Variants in BRI3 observed in about 807,000 individuals in gnomAD.
The protein encoded by BRI3 is brain protein I3.
Under a neutral mutation model 12.8 loss-of-function variants are expected in BRI3, and 6 were observed. The observed-to-expected ratio is 0.47, with a 90% CI of 0.26 to 0.93. The LOEUF (loss-of-function observed/expected upper bound fraction) is 0.93, where lower values mean the gene tolerates loss of function less well. Among genes scored for constraint, BRI3 ranks in the 40% least tolerant of loss-of-function variants. BRI3 has a pLI of 0.15. For synonymous variants in BRI3, 91 were observed against 76.1 expected (o/e 1.20, Z -1.02); for missense variants, 134 against 171.1 (o/e 0.78, Z 1.21).
chr7:98,296,641 A>G (rs983274441), downstream of BRI3, among the ~76,000 whole-genome samples: 3 of 152,196 alleles, frequency 2.0e-5, no homozygotes, highest in Admixed American at 6.5e-5. Flanking sequence ...CAAAAAAACA[A>G]AAAACCAACA....
chr7:98,291,065 G>C (rs762670783), intron 2 of BRI3, 46 bp from the exon 3 acceptor site: 1 of 1,610,862 alleles, frequency 6.2e-7, no homozygotes, highest in Non-Finnish European at 8.5e-7. Flanking sequence ...GGTTCTGGCT[G>C]CCCGGGTCCT....
intron 2 of BRI3, among the ~76,000 whole-genome samples, chr7:98,284,583 TC>T (rs778802638): frequency 3.3e-5 from 5 of 152,136 alleles, no homozygotes; most frequent in Non-Finnish European, 7.4e-5. Flanking sequence ...TGACCACACT[TC>T]CTCCTGCCCC....
chr7:98,296,481 T>G (rs751880986), downstream of BRI3, among the ~76,000 whole-genome samples: 5 of 151,904 alleles, frequency 3.3e-5, no homozygotes, highest in Non-Finnish European at 7.4e-5. Context: ...CAAAATTAGC[T>G]GGGTGTGGTG....
At chr7:98,292,525 A>C (rs1051644103), downstream of BRI3, 1 of 1,029,402 alleles carries the variant, frequency 9.7e-7, no homozygotes, top group African/African-American at 1.6e-5. Context: ...GCAGCCAAAG[A>C]TGATTTCCAG....
downstream of BRI3, among the ~76,000 whole-genome samples, chr7:98,297,230 T>C (rs1200426932): frequency 6.6e-6 from 1 of 152,232 alleles, no homozygotes; most frequent in Non-Finnish European, 1.5e-5. Context: ...AATGTGTGTG[T>C]GGACACTGGC....
At chr7:98,294,977 G>A (rs1321111610), downstream of BRI3, among the ~76,000 whole-genome samples, 1 of 152,192 alleles carries the variant, frequency 6.6e-6, no homozygotes, top group Non-Finnish European at 1.5e-5. Flanking sequence ...CTGCACACAG[G>A]GAGTGGAGTC....
chr7:98,291,841 A>G, downstream of BRI3: 1 of 152,858 alleles, frequency 6.5e-6, no homozygotes, highest in Non-Finnish European at 1.5e-5. Context: ...ACAAAACCAG[A>G]AACCTCCCCA....
intron 1 of BRI3, chr7:98,306,675 GA>G: frequency 9.5e-7 from 1 of 1,047,260 alleles, no homozygotes; most frequent in Non-Finnish European, 1.4e-6. Flanking sequence ...GGTAAATATG[GA>G]CTTTCACATA....
At chr7:98,293,017 T>A (rs1800034779), downstream of BRI3, 2 of 1,026,998 alleles carry the variant, frequency 1.9e-6, no homozygotes, top group Non-Finnish European at 2.4e-6. Context: ...TAAGTTAAAT[T>A]ACATTTATAT....
downstream of BRI3, chr7:98,293,187 T>C (rs371781026): frequency 2.6e-4 from 75 of 288,696 alleles, no homozygotes; most frequent in Middle Eastern, 1.1e-3. Flanking sequence ...CCTGAAAGCA[T>C]AGACTATCCC....
chr7:98,311,770 G>A (rs1800881139), downstream of BRI3, among the ~76,000 whole-genome samples: 6 of 152,170 alleles, frequency 3.9e-5, no homozygotes, highest in South Asian at 1.2e-3. Context: ...GCCAGGCATG[G>A]TGGTGCGCCC....
exon 2 of BRI3, chr7:98,307,939 G>T: frequency 6.3e-7 from 1 of 1,575,648 alleles, no homozygotes; most frequent in African/African-American, 1.4e-5. Context: ...CAAAGCATGA[G>T]AATCAATAGG....
At chr7:98,320,695 C>T in the BRI3 span, among the ~76,000 whole-genome samples, 2 of 152,160 alleles carry the variant, frequency 1.3e-5, no homozygotes, top group Admixed American at 6.5e-5. Flanking sequence ...CACAGAAATA[C>T]ACTGTCCTCA....
chr7:98,310,568 A>C (rs768819567), downstream of BRI3: 53 of 1,591,434 alleles, frequency 3.3e-5, no homozygotes, highest in Non-Finnish European at 4.5e-5. Flanking sequence ...GAGCATTTAG[A>C]AAGGGTGTCG....
the BRI3 span, chr7:98,317,249 G>A: frequency 6.5e-5 from 105 of 1,614,108 alleles, 1 homozygote; most frequent in South Asian, 3.4e-4. Context: ...ATTTGAGTGC[G>A]TTTCGGCTTC....
chr7:98,286,668 T>C (rs1435954410), intron 2 of BRI3, among the ~76,000 whole-genome samples: 2 of 152,210 alleles, frequency 1.3e-5, no homozygotes, highest in Non-Finnish European at 2.9e-5. Flanking sequence ...TGGGGAGTCT[T>C]GACCTAGAAT....
At chr7:98,282,267 A>C in intron 1 of BRI3, 84 bp from the exon 2 acceptor site, 1 of 1,180,142 alleles carries the variant, frequency 8.5e-7, no homozygotes, top group South Asian at 1.3e-5. Flanking sequence ...AGCGGGGTGG[A>C]GGTTGAGGGG....
upstream of BRI3, chr7:98,306,452 C>T (rs777922061): frequency 2.1e-5 from 34 of 1,614,054 alleles, no homozygotes; most frequent in South Asian, 4.4e-5. Flanking sequence ...GGCGTGGGCA[C>T]GGTCACTGCT....
Position 98,288,788 on chromosome 7 carries a change from A to AGGTTGGAGGGGGG in BRI3, c.246-2321_246-2320insTTGGAGGGGGGGG, listed in dbSNP as rs11275179. The stretch of plus-strand genomic sequence containing the variant: ...TGGCTAATTTTAAATTTTTGTAGGG[A>AGGTTGGAGGGGGG]GGGGTCTTTGTTGCCCAGGCTGGTT... On this transcript the variant is annotated intron_variant, in intron 2 of 2. Coordinates refer to ENST00000297290, the MANE Select transcript of BRI3 (RefSeq NM_015379.5). 3.3e-3 allele frequency among the ~76,000 whole-genome samples: 496 copies of AGGTTGGAGGGGGG among 150,680 alleles called. 7 individuals carry two copies. The highest frequency in any genetic ancestry group is 8.5e-3 in the African/African-American group (348 of 41,096).
Sources: allele counts gnomAD v4.1 joint callset (sites outside exome capture counted in the v4.1 genomes callset), GRCh38; gene constraint gnomAD v4.1.1; transcripts MANE v1.5; gene names NCBI Gene and HGNC (gene_info 2026-07-23, HGNC 2026-07-21).